Variants in PCDHAC1 observed in about 807,000 individuals in gnomAD.
The protein encoded by PCDHAC1 is protocadherin alpha subfamily C, 1, also known as protocadherin alpha-C1.
Under a neutral mutation model 60.0 loss-of-function variants are expected in PCDHAC1, and 42 were observed. The ratio of observed to expected loss-of-function variants is 0.70; its 90% CI spans 0.55 to 0.90. The LOEUF (loss-of-function observed/expected upper bound fraction) is 0.90, where lower values mean the gene tolerates loss of function less well. PCDHAC1 is among the 40% of genes least tolerant of loss of function. The pLI is 0.00. For missense variants in PCDHAC1, 1,160 were observed against 1,222.3 expected, an observed-to-expected ratio of 0.95 and a Z score of 0.76; for synonymous variants, 468 against 499.3, an observed-to-expected ratio of 0.94 and a Z score of 0.84.
At chr5:140,946,631 T>TATATGTATATAC (rs57893927) in intron 1 of PCDHAC1, among the ~76,000 whole-genome samples, 2 of 131,846 alleles carry the variant, frequency 1.5e-5, no homozygotes, top group Non-Finnish European at 3.1e-5. Flanking sequence ...TATATATATA[T>TATATGTATATAC]ACAATGGAAT....
At chr5:141,009,036 T>C (rs782309668) in intron 3 of PCDHAC1, among the ~76,000 whole-genome samples, 7 of 152,242 alleles carry the variant, frequency 4.6e-5, no homozygotes, top group Non-Finnish European at 1.0e-4. Context: ...TCCCATCCCG[T>C]TCCCAGTCAA....
At chr5:140,978,528 C>T (rs903940636) in intron 1 of PCDHAC1, among the ~76,000 whole-genome samples, 1 of 152,192 alleles carries the variant, frequency 6.6e-6, no homozygotes, top group Non-Finnish European at 1.5e-5. Flanking sequence ...GCCAGGCCAG[C>T]AGAACTTGTG....
chr5:140,961,915 G>T (rs1393178053), intron 1 of PCDHAC1, among the ~76,000 whole-genome samples: 4 of 146,912 alleles, frequency 2.7e-5, no homozygotes, highest in Non-Finnish European at 4.5e-5. Context: ...ATGGAGTCTC[G>T]CTCTGTTGCC....
At chr5:140,982,409 G>A (rs1554244106) in intron 2 of PCDHAC1, 66 bp from the exon 3 acceptor site, 20 of 1,608,038 alleles carry the variant, frequency 1.2e-5, no homozygotes, top group Non-Finnish European at 1.6e-5. Flanking sequence ...CAATTTCTGA[G>A]GGTGGAAGAA....
At chr5:140,975,552 G>A (rs1416724640) in intron 1 of PCDHAC1, among the ~76,000 whole-genome samples, 1 of 152,200 alleles carries the variant, frequency 6.6e-6, no homozygotes, top group Non-Finnish European at 1.5e-5. Flanking sequence ...CTATTAGGAA[G>A]GAAAAGGAGA....
intron 1 of PCDHAC1, among the ~76,000 whole-genome samples, chr5:140,976,450 C>T (rs2096717096): frequency 6.6e-6 from 1 of 152,040 alleles, no homozygotes; most frequent in South Asian, 2.1e-4. Flanking sequence ...ACTAGGGAGG[C>T]TGGGGAAGAA....
intron 3 of PCDHAC1, among the ~76,000 whole-genome samples, chr5:140,989,984 C>T (rs907486922): frequency 3.3e-5 from 5 of 152,032 alleles, no homozygotes; most frequent in African/African-American, 1.2e-4. Context: ...ACAGCCCTGC[C>T]TGAAATTGTC....
intron 1 of PCDHAC1, among the ~76,000 whole-genome samples, chr5:140,971,291 C>T (rs541777110): frequency 1.1e-4 from 17 of 152,164 alleles, no homozygotes; most frequent in Admixed American, 3.3e-4. Flanking sequence ...TTAATATGTA[C>T]TTTGGTACAC....
chr5:140,966,786 G>A (rs1554228650), intron 1 of PCDHAC1: 2 of 1,526,000 alleles, frequency 1.3e-6, no homozygotes, highest in Admixed American at 1.9e-5. Context: ...GCGGGCACCA[G>A]ACCTGCGGCG....
At chr5:140,992,950 C>T (rs1435932636) in intron 3 of PCDHAC1, among the ~76,000 whole-genome samples, 1 of 152,216 alleles carries the variant, frequency 6.6e-6, no homozygotes, top group East Asian at 1.9e-4. Context: ...GAGATTAAAT[C>T]ACCCCTTATA....
Position 141,009,661 on chromosome 5 carries a change from T to G in PCDHAC1, c.2616T>G (p.Gly872=), listed in dbSNP as rs1554262260. ...PEAGEVSPPV[G]AGVNSNSWTF... ...CAGGAGAAGTGTCCCCTCCAGTCGG[T>G]GCGGGTGTCAACAGCAACAGCTGGA... The change falls in exon 4 of 4, where the codon GGT becomes GGG. Residue 872 remains glycine (G), a synonymous_variant. Coordinates refer to ENST00000253807, the MANE Select transcript of PCDHAC1 (RefSeq NM_018898.5). 1 of 1,614,030 alleles carries G rather than the reference T, an allele frequency of 6.2e-7. No homozygotes were observed.
chr5:140,968,526 C>G, intron 1 of PCDHAC1: 3 of 1,614,200 alleles, frequency 1.9e-6, no homozygotes, highest in Middle Eastern at 1.6e-4. Context: ...TCAACCAACT[C>G]GTCAGCAGCC....
chr5:140,929,471 G>C, intron 1 of PCDHAC1, 146 bp downstream of exon 1: 1 of 1,293,428 alleles, frequency 7.7e-7, no homozygotes, highest in Non-Finnish European at 1.0e-6. Context: ...CAAGAAATCT[G>C]GAAGTATAGA....
chr5:140,982,795 ATG>A (rs60616196), intron 3 of PCDHAC1, among the ~76,000 whole-genome samples: 18 of 151,504 alleles, frequency 1.2e-4, no homozygotes, highest in African/African-American at 3.2e-4. Flanking sequence ...GCATGTGTGC[ATG>A]TGTGTGTGTG....
rs1417392698 is a variant in PCDHAC1 at position 140,999,864 on chromosome 5, T to G, written c.2582-9763T>G. Among the ~76,000 whole-genome samples, 46 of 152,148 alleles carry G rather than the reference T, an allele frequency of 3.0e-4. 1 individual carries two copies. ...TGTATTTATCTCTTCCGCTCCAAGATTACTGAAAATTAGCCCAGCTGTAGC... is the reference window on the plus strand; with the variant it reads ...TGTATTTATCTCTTCCGCTCCAAGAGTACTGAAAATTAGCCCAGCTGTAGC... On this transcript the variant is annotated intron_variant, in intron 3 of 3. Coordinates refer to ENST00000253807, the MANE Select transcript of PCDHAC1 (RefSeq NM_018898.5).
At chr5:140,968,124 G>T (rs202202452) in intron 1 of PCDHAC1, 1 of 1,614,126 alleles carries the variant, frequency 6.2e-7, no homozygotes, top group Non-Finnish European at 8.5e-7. Flanking sequence ...ACATCCCTGC[G>T]TACACTGAAG....
chr5:140,978,656 G>A (rs2096815434), intron 1 of PCDHAC1, among the ~76,000 whole-genome samples: 1 of 152,248 alleles, frequency 6.6e-6, no homozygotes, highest in African/African-American at 2.4e-5. Flanking sequence ...TCTTCCCGTA[G>A]TGTTTTAAGA....
intron 1 of PCDHAC1, chr5:140,966,441 CT>C (rs1165111455): frequency 7.1e-6 from 3 of 424,684 alleles, no homozygotes; most frequent in African/African-American, 4.1e-5. Context: ...CTACCGCTCC[CT>C]TTCCCCCTCC....
chr5:140,965,121 T>G (rs1454584682), intron 1 of PCDHAC1, among the ~76,000 whole-genome samples: 6 of 152,178 alleles, frequency 3.9e-5, no homozygotes, highest in African/African-American at 1.4e-4. Flanking sequence ...TAGAGGAAGA[T>G]CTACAGATGA....
Sources: gnomAD v4.1 joint callset for allele counts (sites outside exome capture counted in the v4.1 genomes callset) on GRCh38, gnomAD v4.1.1 for gene constraint, MANE v1.5 for transcripts, NCBI Gene and HGNC (gene_info 2026-07-23, HGNC 2026-07-21) for gene names.